Variants in SLC39A8 observed in about 807,000 individuals in gnomAD.
SLC39A8 encodes the protein metal cation symporter ZIP8.
In SLC39A8, 15 loss-of-function variants were observed where a neutral mutation model predicts 40.4. That is an observed-to-expected ratio of 0.37 (90% CI 0.25 to 0.57). SLC39A8 has a LOEUF of 0.57. Among genes scored for constraint, SLC39A8 ranks in the 20% least tolerant of loss-of-function variants. The pLI is 0.75. For synonymous variants in SLC39A8, 223 were observed against 221.6 expected, an observed-to-expected ratio of 1.01 and a Z score of -0.06; for missense variants, 472 against 558.8, an observed-to-expected ratio of 0.84 and a Z score of 1.57.
At chr4:102,253,207 T>G (rs1023338108) in exon 12 of SLC39A8, 14 of 402,050 alleles carry the variant, frequency 3.5e-5, no homozygotes, top group Non-Finnish European at 5.3e-5. Context: ...AACAAAACAG[T>G]AGCAAAATGG....
rs765378808 is a variant in SLC39A8 at position 102,267,989 on chromosome 4, C to T, written c.931G>A (p.Asp311Asn). ...GTIAWMITLCDALHNFIDGLA... is the reference protein window; with the variant it reads ...GTIAWMITLCNALHNFIDGLA... ...CCATCGATGAAATTGTGGAGGGCAT[C>T]GCAGAGCGTTATCATCCAGGCAATC... The change falls in exon 7 of 9, where the codon GAT becomes AAT. Residue 311 changes from aspartate (D) to asparagine (N), a missense_variant. Asp to Asn is a conservative substitution (Grantham distance 23). Around this residue, in one of 4 missense-constraint regions of SLC39A8, gnomAD observed 239 missense variants for 317.9 expected, o/e 0.75. Coordinates refer to ENST00000356736, the MANE Select transcript of SLC39A8 (RefSeq NM_001135146.2). 6.2e-7 allele frequency: 1 copy of T among 1,614,158 alleles called. No homozygotes were observed. The highest frequency in any genetic ancestry group is 1.7e-5 in the Admixed American group (1 of 60,022).
At chr4:102,281,979 C>T (rs147197507) in intron 6 of SLC39A8, among the ~76,000 whole-genome samples, 3 of 152,312 alleles carry the variant, frequency 2.0e-5, no homozygotes, top group African/African-American at 7.2e-5. Context: ...CACTATGCTC[C>T]TGGTACTGTC....
chr4:102,307,240 T>C (rs1734218131), intron 4 of SLC39A8, among the ~76,000 whole-genome samples, 196 bp downstream of exon 4: 1 of 152,078 alleles, frequency 6.6e-6, no homozygotes, highest in Admixed American at 6.6e-5. Flanking sequence ...AGAATATTAA[T>C]TTTGTCTCTG....
chr4:102,297,967 A>G (rs2149028851), intron 6 of SLC39A8, among the ~76,000 whole-genome samples: 1 of 152,008 alleles, frequency 6.6e-6, no homozygotes, highest in Non-Finnish European at 1.5e-5. Context: ...AAAGATGAGA[A>G]TATTTAGAGG....
intron 2 of SLC39A8, among the ~76,000 whole-genome samples, chr4:102,340,355 A>G (rs186155916): frequency 2.8e-4 from 43 of 152,324 alleles, no homozygotes; most frequent in Admixed American, 5.2e-4. Context: ...AATATATAAT[A>G]TGTTATAATT....
intron 2 of SLC39A8, among the ~76,000 whole-genome samples, chr4:102,328,252 A>G (rs1735302030): frequency 1.3e-5 from 2 of 151,338 alleles, no homozygotes; most frequent in South Asian, 4.2e-4. Flanking sequence ...TTCTATTCCC[A>G]CCACTTCCTT....
intron 2 of SLC39A8, among the ~76,000 whole-genome samples, chr4:102,331,593 A>T (rs1436569786): frequency 2.0e-5 from 3 of 152,204 alleles, no homozygotes; most frequent in African/African-American, 7.2e-5. Flanking sequence ...ATACTGCCCA[A>T]CGTAATTTAT....
Position 102,300,480 on chromosome 4 carries a change from T to C in SLC39A8, c.840+3837A>G, listed in dbSNP as rs546422652. On this transcript the variant is annotated intron_variant, in intron 6 of 8. Coordinates refer to ENST00000356736, the MANE Select transcript of SLC39A8 (RefSeq NM_001135146.2). ...ATTCCTAAGTCATACAGTTTAAGTA[T>C]TCTATAACATGTCTTTGTTCTTTCT... is the stretch of plus-strand genomic sequence containing the variant. Among the ~76,000 whole-genome samples the C allele has an allele frequency of 7.2e-5, 11 of 152,174 alleles. No individual in the cohort carries two copies. The South Asian group carries it at 2.1e-3, about 29-fold the overall frequency.
At position 102,267,968 on chromosome 4, in the gene SLC39A8, C is replaced by G; in HGVS notation, c.952G>C (p.Asp318His). The change falls in exon 7 of 9, where the codon GAT becomes CAT. Residue 318 changes from aspartate (D) to histidine (H), a missense_variant. Physicochemically the swap from Asp to His is moderately conservative, Grantham distance 81. Around this residue, in one of 4 missense-constraint regions of SLC39A8, gnomAD observed 239 missense variants for 317.9 expected, o/e 0.75. Coordinates refer to ENST00000356736, the MANE Select transcript of SLC39A8 (RefSeq NM_001135146.2). Reference protein sequence around the residue: ...TLCDALHNFIDGLAIGASCTL... With the variant: ...TLCDALHNFIHGLAIGASCTL... The stretch of plus-strand genomic sequence containing the variant: ...CAGGAAGCCCCAATCGCCAGGCCAT[C>G]GATGAAATTGTGGAGGGCATCGCAG... 6.2e-7 allele frequency: 1 copy of G among 1,614,172 alleles called. No individual in the cohort carries two copies. The highest frequency in any genetic ancestry group is 8.5e-7 in the Non-Finnish European group (1 of 1,180,042).
intron 2 of SLC39A8, among the ~76,000 whole-genome samples, chr4:102,340,638 C>T (rs1405879695): frequency 6.6e-6 from 1 of 152,168 alleles, no homozygotes; most frequent in Non-Finnish European, 1.5e-5. Context: ...AATTGTTTAA[C>T]AGGATGAATG....
chr4:102,262,903 G>A lies in SLC39A8; in HGVS notation c.*141C>T. Reference sequence around the variant, plus strand: ...CAAATAATGGACTATTTCACAGACTGATGCCAATAATTAGTTTTCTGGACC... The same window carrying A: ...CAAATAATGGACTATTTCACAGACTAATGCCAATAATTAGTTTTCTGGACC... On this transcript the variant is annotated 3_prime_UTR_variant, in exon 9 of 9. Transcript: ENST00000356736. 1.6e-5 allele frequency: 23 copies of A among 1,408,984 alleles called. No individual in the cohort carries two copies. The South Asian group carries it at 3.8e-4, about 23-fold the overall frequency. The allele number at this position is 1,408,984 out of a possible 1,614,324, so 87.3% of individuals were successfully genotyped here.
chr4:102,258,793 G>A (rs1479540201), downstream of SLC39A8, among the ~76,000 whole-genome samples: 1 of 152,192 alleles, frequency 6.6e-6, no homozygotes, highest in African/African-American at 2.4e-5. Context: ...GCCAAGTGAT[G>A]TATTCTAGTT....
At chr4:102,339,828 C>T (rs1735831024) in intron 2 of SLC39A8, among the ~76,000 whole-genome samples, 1 of 152,058 alleles carries the variant, frequency 6.6e-6, no homozygotes, top group Non-Finnish European at 1.5e-5. Flanking sequence ...ATACATTCCA[C>T]ACTCTCATGT....
At chr4:102,265,758 A>C (rs79774301) in intron 8 of SLC39A8, among the ~76,000 whole-genome samples, 1,838 of 152,328 alleles carry the variant, frequency 0.012, 17 homozygotes, top group Admixed American at 0.026. Flanking sequence ...AACAAGAGTA[A>C]AAGTACTGAA....
At chr4:102,326,790 A>T (rs1735221034) in intron 2 of SLC39A8, among the ~76,000 whole-genome samples, 1 of 152,120 alleles carries the variant, frequency 6.6e-6, no homozygotes, top group East Asian at 1.9e-4. Context: ...CAGCAGAGAG[A>T]GCCCTTATGT....
At chr4:102,337,781 A>G (rs1027227321) in intron 2 of SLC39A8, among the ~76,000 whole-genome samples, 3 of 152,220 alleles carry the variant, frequency 2.0e-5, no homozygotes, top group African/African-American at 7.2e-5. Flanking sequence ...AAGGTTTCAT[A>G]CTAGACATGC....
At position 102,266,050 on chromosome 4, in the gene SLC39A8, C is replaced by G. The variant is rs1027934075; in HGVS notation, c.1233+1440G>C. ...ATTCTAGATTCCTTTATTATCATCT[C>G]TCATCATATATTCTACTTTCTCTCT... is the stretch of plus-strand genomic sequence containing the variant. On this transcript the variant is annotated intron_variant, in intron 8 of 8. Coordinates refer to ENST00000356736, the MANE Select transcript of SLC39A8 (RefSeq NM_001135146.2). Among the ~76,000 whole-genome samples, 4 of 152,290 alleles carry G rather than the reference C, an allele frequency of 2.6e-5. No homozygotes were observed. In the East Asian group the frequency reaches 7.7e-4, roughly 29 times the overall value.
At chr4:102,320,214 T>A (rs1306454251) in intron 2 of SLC39A8, among the ~76,000 whole-genome samples, 1 of 137,068 alleles carries the variant, frequency 7.3e-6, no homozygotes, top group Admixed American at 7.6e-5. Flanking sequence ...TATATATATA[T>A]GTATATATGT....
intron 4 of SLC39A8, 137 bp from the exon 5 acceptor site, chr4:102,305,248 A>G: frequency 1.1e-6 from 1 of 886,846 alleles, no homozygotes; most frequent in Non-Finnish European, 1.7e-6. Context: ...CTTAGCTGCC[A>G]AAAATCACAA....
Sources: gnomAD v4.1 joint callset for allele counts (sites outside exome capture counted in the v4.1 genomes callset) on GRCh38, gnomAD v4.1.1 for gene constraint, gnomAD v4.1.1 regional missense constraint, MANE v1.5 for transcripts, NCBI Gene and HGNC (gene_info 2026-07-23, HGNC 2026-07-21) for gene names.